Variants in MKX observed in about 807,000 individuals in gnomAD.
The protein encoded by MKX is homeobox protein Mohawk.
A neutral mutation model predicts 36.0 loss-of-function variants in MKX; 13 were observed. The observed-to-expected ratio is 0.36, with a 90% confidence interval of 0.24 to 0.57. The LOEUF (loss-of-function observed/expected upper bound fraction) is 0.57. Ranked by LOEUF, MKX falls within the 20% of genes least tolerant of loss-of-function variation. The pLI is 0.79. For missense variants in MKX, 458 were observed against 456.4 expected (o/e 1.00, Z -0.03); for synonymous variants, 176 against 178.3 (o/e 0.99, Z 0.10).
chr10:27,698,057 A>G (rs1836586385), intron 5 of MKX, among the ~76,000 whole-genome samples: 2 of 152,198 alleles, frequency 1.3e-5, no homozygotes, highest in Non-Finnish European at 2.9e-5. Context: ...TACTGAGATG[A>G]ACAGATGGAG....
chr10:27,711,471 CTTTCTT>C (rs770994062), intron 5 of MKX, among the ~76,000 whole-genome samples: 51 of 34,146 alleles, frequency 1.5e-3, no homozygotes, highest in East Asian at 5.1e-3. Flanking sequence ...TTCTTTCTTT[CTTTCTT>C]TCTTTCTCTC....
intron 5 of MKX, among the ~76,000 whole-genome samples, chr10:27,699,868 T>C (rs1032806374): frequency 1.3e-5 from 2 of 152,206 alleles, no homozygotes; most frequent in South Asian, 2.1e-4. Context: ...TAGTAAGAAT[T>C]CAGCATTCTC....
chr10:27,715,796 G>A (rs11015964), intron 5 of MKX, among the ~76,000 whole-genome samples: 17,758 of 152,048 alleles, frequency 0.12, 1,137 homozygotes, highest in East Asian at 0.3. Context: ...TGCCATTCTC[G>A]ATTGACAGAT....
At chr10:27,698,487 G>C (rs879696921) in intron 5 of MKX, among the ~76,000 whole-genome samples, 3 of 152,138 alleles carry the variant, frequency 2.0e-5, no homozygotes, top group Non-Finnish European at 4.4e-5. Flanking sequence ...AGAGACTTCT[G>C]GAATGACCAC....
rs1209016883 is a variant in MKX at position 27,742,477 on chromosome 10, T to C, written c.188+751A>G. 2.0e-5 allele frequency among the ~76,000 whole-genome samples: 3 copies of C among 152,078 alleles called. No homozygotes were observed. The highest frequency in any genetic ancestry group is 4.1e-4 in the South Asian group (2 of 4,830). ...GCAGCGACGCCGCAGAACAAGCAGC[T>C]GATGCAATCGTTCAGGTGGAGGCGG... On this transcript the variant is annotated intron_variant, in intron 2 of 6. Coordinates refer to ENST00000419761, the MANE Select transcript of MKX (RefSeq NM_173576.3). This position sits in a 1 kb window ranked among gnomAD's most constrained non-coding sequence, Gnocchi z 4.2.
At chr10:27,699,309 T>G (rs1410784035) in intron 5 of MKX, among the ~76,000 whole-genome samples, 1 of 152,110 alleles carries the variant, frequency 6.6e-6, no homozygotes, top group Non-Finnish European at 1.5e-5. Context: ...CCTTAAAAAT[T>G]TAATATTGGA....
chr10:27,711,494 T>TCTCTCCCTTCCTTCCTTCCTTC (rs1554772211), intron 5 of MKX, among the ~76,000 whole-genome samples: 2 of 34,152 alleles, frequency 5.9e-5, no homozygotes, highest in African/African-American at 2.9e-4. Context: ...TCTCTCTCTC[T>TCTCTCCCTTCCTTCCTTCCTTC]CTTCTTTCCT....
At chr10:27,685,884 T>G (rs896278690) in intron 5 of MKX, among the ~76,000 whole-genome samples, 14 of 152,204 alleles carry the variant, frequency 9.2e-5, no homozygotes, top group African/African-American at 3.1e-4. Context: ...GGTTATCCTC[T>G]CTTTGGGACA....
intron 5 of MKX, among the ~76,000 whole-genome samples, chr10:27,689,156 G>A (rs1039186074): frequency 2.0e-5 from 3 of 152,138 alleles, no homozygotes; most frequent in African/African-American, 7.2e-5. Flanking sequence ...CTTCAGACTA[G>A]GAAATCTCCG....
chr10:27,703,166 T>G (rs952223046), intron 5 of MKX, among the ~76,000 whole-genome samples: 1 of 152,142 alleles, frequency 6.6e-6, no homozygotes, highest in Admixed American at 6.5e-5. Context: ...AAGAGTGCCA[T>G]AGAAGAGCAT....
rs371684665 is a variant in MKX at position 27,678,682 on chromosome 10, A to G, written c.839-3128T>C. 5.3e-5 allele frequency among the ~76,000 whole-genome samples: 8 copies of G among 152,302 alleles called. No homozygotes were observed. The East Asian group carries it at 1.5e-3, about 29-fold the overall frequency. On this transcript the variant is annotated intron_variant, in intron 5 of 6. Coordinates refer to ENST00000419761, the MANE Select transcript of MKX (RefSeq NM_173576.3). The stretch of plus-strand genomic sequence containing the variant: ...TGGAGCCTGCACGTGGAAGGAGAAG[A>G]TGTAATTCACGGCTCAGGTCCACGG...
chr10:27,686,303 A>G (rs1836346075), intron 5 of MKX, among the ~76,000 whole-genome samples: 1 of 152,098 alleles, frequency 6.6e-6, no homozygotes, highest in African/African-American at 2.4e-5. Flanking sequence ...CGGGGTATAA[A>G]CAATGAGAGG....
chr10:27,734,493 C>T lies in MKX; in HGVS notation c.801G>A (p.Ser267=), dbSNP rs758478667. Residue 267 remains serine, a synonymous_variant, in exon 5 of 7, where the codon TCG becomes TCA. Transcript: ENST00000419761. ...CAAAGTTGCCTTCAGTTTCTGATGA[C>T]GATGGAGACACTAATTCTTCCTCAA... The part of the protein sequence containing the change: ...NEFEEELVSP[S]SSETEGNFVY... 9.4e-5 allele frequency: 152 copies of T among 1,614,052 alleles called. No homozygotes were observed. Among genetic ancestry groups the T allele is most frequent in the Non-Finnish European group, 1.2e-4 (140 of 1,180,012 alleles).
intron 5 of MKX, among the ~76,000 whole-genome samples, chr10:27,731,267 G>C (rs1834622878): frequency 6.6e-6 from 1 of 152,104 alleles, no homozygotes; most frequent in Non-Finnish European, 1.5e-5. Flanking sequence ...CTGGGGGAGG[G>C]GGTGTTAATA....
Position 27,735,254 on chromosome 10 carries a change from G to C in MKX, c.469C>G (p.Leu157Val). 1 of 1,610,368 alleles carries C rather than the reference G, an allele frequency of 6.2e-7. No homozygotes were observed. Among genetic ancestry groups the C allele is most frequent in the Admixed American group, 1.7e-5 (1 of 59,172 alleles). Residue 157 changes from leucine (L) to valine (V), a missense_variant, in exon 4 of 7, where the codon CTT (leucine) becomes GTT (valine). Transcript: ENST00000419761. ...NKYVQGNAER[L>V]SVSSDDSCSE... ...CATGAGTCATCACTGCTTACGCTAA[G>C]CCGTTCAGCATTGCCTTGAACATAC...
At chr10:27,735,980 C>A (rs556890192) in intron 3 of MKX, among the ~76,000 whole-genome samples, 1 of 152,154 alleles carries the variant, frequency 6.6e-6, no homozygotes, top group African/African-American at 2.4e-5. Flanking sequence ...GGAGATGAAA[C>A]TTTCTGAGGA....
chr10:27,677,797 C>A (rs1836181610), intron 5 of MKX, among the ~76,000 whole-genome samples: 2 of 152,198 alleles, frequency 1.3e-5, no homozygotes, highest in Admixed American at 1.3e-4. Context: ...TTCCTTTGGT[C>A]TCCTTTCACT....
chr10:27,678,392 G>A (rs1455366100), intron 5 of MKX, among the ~76,000 whole-genome samples: 1 of 152,214 alleles, frequency 6.6e-6, no homozygotes, highest in East Asian at 1.9e-4. Context: ...TTTATTCAAT[G>A]GAAAGACTTG....
intron 3 of MKX, among the ~76,000 whole-genome samples, chr10:27,738,608 T>C (rs1336324826): frequency 6.6e-6 from 1 of 152,066 alleles, no homozygotes; most frequent in Non-Finnish European, 1.5e-5. Flanking sequence ...TATATAATTA[T>C]GATTTATATC....
Sources: gnomAD v4.1 joint callset for allele counts (sites outside exome capture counted in the v4.1 genomes callset) on GRCh38, gnomAD v4.1.1 for gene constraint, Gnocchi (gnomAD v3.1) non-coding constraint, MANE v1.5 for transcripts, NCBI Gene and HGNC (gene_info 2026-07-23, HGNC 2026-07-21) for gene names.